SMC5: variants seen among roughly 807,000 people sequenced by gnomAD.
The protein encoded by SMC5 is structural maintenance of chromosomes protein 5.
In SMC5, 88 loss-of-function variants were observed where a neutral mutation model predicts 148.3. The observed-to-expected ratio is 0.59, with a 90% CI of 0.50 to 0.71. The LOEUF (loss-of-function observed/expected upper bound fraction) is 0.71. SMC5 is among the 30% of genes least tolerant of loss of function. SMC5 has a pLI of 0.00. For synonymous variants in SMC5, 421 were observed against 432.8 expected, an observed-to-expected ratio of 0.97 and a Z score of 0.34; for missense variants, 1,142 against 1,298.9, an observed-to-expected ratio of 0.88 and a Z score of 1.86.
chr9:70,315,368 T>C, intron 12 of SMC5, 78 bp from the exon 13 acceptor site: 1 of 934,850 alleles, frequency 1.1e-6, no homozygotes, highest in South Asian at 2.1e-5. Context: ...ACTTATTGTT[T>C]ATTGGTGGCT....
intron 9 of SMC5, among the ~76,000 whole-genome samples, chr9:70,298,989 A>T (rs1308848231): frequency 1.3e-5 from 2 of 151,894 alleles, no homozygotes; most frequent in South Asian, 4.2e-4. Context: ...GGGATTATTA[A>T]TAATGATTTT....
Position 70,259,137 on chromosome 9 carries a change from T to C in SMC5, c.59T>C (p.Leu20Pro). 1 of 1,612,758 alleles carries C rather than the reference T, an allele frequency of 6.2e-7. No individual in the cohort carries two copies. Among genetic ancestry groups the C allele is most frequent in the South Asian group, 1.1e-5 (1 of 90,702 alleles). ...AGCCCCCAGCCTTCCAAGAGAGCTC[T>C]CCCGAGAGACCCTTCGTCGGAGGTC... ...TPSPQPSKRA[L>P]PRDPSSEVPS... The change falls in exon 1 of 25, where the codon CTC becomes CCC. Residue 20 changes from leucine to proline, a missense_variant. By Grantham distance (98) the Leu-to-Pro change is moderately conservative. Transcript: ENST00000361138.
chr9:70,312,416 C>T (rs2035682258), intron 11 of SMC5, among the ~76,000 whole-genome samples: 2 of 152,168 alleles, frequency 1.3e-5, no homozygotes, highest in Admixed American at 1.3e-4. Context: ...GTCCCTCCCT[C>T]AGCAAGTGGG....
At chr9:70,273,062 T>G (rs2034494291) in intron 3 of SMC5, among the ~76,000 whole-genome samples, 1 of 152,198 alleles carries the variant, frequency 6.6e-6, no homozygotes, top group Admixed American at 6.5e-5. Context: ...TTCTAGTATT[T>G]TATTTAGAAT....
intron 6 of SMC5, 141 bp downstream of exon 6, chr9:70,281,040 T>C (rs1478361704): frequency 4.5e-6 from 4 of 885,334 alleles, no homozygotes; most frequent in South Asian, 3.3e-5. Context: ...ATAAAATTCA[T>C]GTCTTTTTTT....
At chr9:70,339,865 G>C (rs1029557950) in intron 17 of SMC5, among the ~76,000 whole-genome samples, 1 of 152,104 alleles carries the variant, frequency 6.6e-6, no homozygotes, top group Non-Finnish European at 1.5e-5. Context: ...CCTCTCTTTG[G>C]TAATGTCACT....
intron 22 of SMC5, 59 bp downstream of exon 22, chr9:70,348,097 A>G: frequency 7.7e-7 from 1 of 1,296,302 alleles, no homozygotes. Context: ...TATATGCTTA[A>G]AGTACATATA....
In SMC5 at chr9:70,318,149, C is replaced by G. The variant is rs191223350; in HGVS notation, c.1807-365C>G. On this transcript the variant is annotated intron_variant, in intron 13 of 24. Coordinates refer to ENST00000361138, the MANE Select transcript of SMC5 (RefSeq NM_015110.4). The stretch of plus-strand genomic sequence containing the variant: ...TGTAATCCCAGCACTTTGGAAGACC[C>G]AGGCGGGAGAATCTCAGAGGCAGGA... Among the ~76,000 whole-genome samples the G allele has an allele frequency of 8.5e-4, 130 of 152,196 alleles. 1 individual carries two copies. The highest frequency in any genetic ancestry group is 3.1e-3 in the African/African-American group (127 of 41,536).
At chr9:70,346,971 A>G in intron 19 of SMC5, 95 bp from the exon 20 acceptor site, 1 of 885,230 alleles carries the variant, frequency 1.1e-6, no homozygotes, top group Non-Finnish European at 1.8e-6. Flanking sequence ...GCTGTTGAAC[A>G]GATAGATAAC....
intron 3 of SMC5, among the ~76,000 whole-genome samples, chr9:70,275,073 T>C (rs892430524): frequency 2.6e-5 from 4 of 152,158 alleles, no homozygotes; most frequent in Non-Finnish European, 4.4e-5. Flanking sequence ...ATGAGAGTTT[T>C]CTGTTGGAAC....
At chr9:70,309,252 T>G (rs2035591436) in intron 11 of SMC5, among the ~76,000 whole-genome samples, 1 of 148,372 alleles carries the variant, frequency 6.7e-6, no homozygotes, top group South Asian at 2.2e-4. Context: ...ACTCTTCCTT[T>G]CACAAAAGAT....
At chr9:70,264,161 G>A in intron 1 of SMC5, 143 bp from the exon 2 acceptor site, 1 of 598,820 alleles carries the variant, frequency 1.7e-6, no homozygotes, top group Non-Finnish European at 2.6e-6. Flanking sequence ...TTCTAAAGTT[G>A]TTTATTAAAA....
At chr9:70,281,081 A>G (rs1003967538) in intron 6 of SMC5, among the ~76,000 whole-genome samples, 182 bp downstream of exon 6, 4 of 151,316 alleles carry the variant, frequency 2.6e-5, no homozygotes, top group African/African-American at 9.7e-5. Flanking sequence ...TGTGTCTCCC[A>G]TGCTGGAGTT....
At chr9:70,309,940 C>G (rs2118522709) in intron 11 of SMC5, among the ~76,000 whole-genome samples, 1 of 152,270 alleles carries the variant, frequency 6.6e-6, no homozygotes, top group African/African-American at 2.4e-5. Context: ...ACCTCCACCT[C>G]CTGGGTATAA....
intron 2 of SMC5, among the ~76,000 whole-genome samples, chr9:70,267,434 CATT>C (rs1176140515): frequency 2.6e-5 from 4 of 152,112 alleles, no homozygotes; most frequent in Non-Finnish European, 5.9e-5. Flanking sequence ...GCAATTATAT[CATT>C]AACAGGATAG....
chr9:70,259,430 A>G (rs943535), intron 1 of SMC5, among the ~76,000 whole-genome samples, 167 bp downstream of exon 1: 12,161 of 152,108 alleles, frequency 0.08, 590 homozygotes, highest in African/African-American at 0.14. Flanking sequence ...TAGGCTGTGG[A>G]GATTGACGTG....
chr9:70,327,198 G>T (rs531294090), intron 17 of SMC5, among the ~76,000 whole-genome samples: 1 of 152,196 alleles, frequency 6.6e-6, no homozygotes, highest in Non-Finnish European at 1.5e-5. Context: ...CTGATTTCAG[G>T]TCCAGGAGAA....
intron 10 of SMC5, among the ~76,000 whole-genome samples, chr9:70,302,248 C>A (rs890678688): frequency 1.3e-5 from 2 of 152,062 alleles, no homozygotes; most frequent in African/African-American, 4.8e-5. Flanking sequence ...TGCCTGTAAT[C>A]AGCACTTTGA....
In SMC5 at chr9:70,280,855, C is replaced by CA. The variant is rs1242568676; in HGVS notation, c.776dup (p.His259GlnfsTer6). ...GGAGAGGTTCTATGAACGGAAGCGA[C>CA]ATTTAGATTTAATTGAGATGCTTGA... On this transcript the variant is annotated frameshift_variant, in exon 6 of 25. Transcript: ENST00000361138. LOFTEE classifies it high-confidence loss of function. 6.2e-7 allele frequency: 1 copy of CA among 1,613,866 alleles called. No homozygotes were observed. Among genetic ancestry groups the CA allele is most frequent in the East Asian group, 2.2e-5 (1 of 44,842 alleles).
Sources: allele counts gnomAD v4.1 joint callset (sites outside exome capture counted in the v4.1 genomes callset), GRCh38; gene constraint gnomAD v4.1.1; transcripts MANE v1.5; gene names NCBI Gene and HGNC (gene_info 2026-07-23, HGNC 2026-07-21).